Variants in LAMC1 observed in about 807,000 individuals in gnomAD.
LAMC1 encodes laminin subunit gamma-1.
A neutral mutation model predicts 173.6 loss-of-function variants in LAMC1; 38 were observed. That is an observed-to-expected ratio of 0.22 (90% CI 0.17 to 0.29). The LOEUF (loss-of-function observed/expected upper bound fraction) is 0.29, where lower values mean the gene tolerates loss of function less well. LAMC1 is among the 10% of genes least tolerant of loss of function. The pLI, the probability that LAMC1 is intolerant of heterozygous loss-of-function variation, is 1.00. For synonymous variants in LAMC1, 746 were observed against 749.1 expected, an observed-to-expected ratio of 1.00 and a Z score of 0.07; for missense variants, 1,824 against 2,051.8, an observed-to-expected ratio of 0.89 and a Z score of 2.14.
intron 11 of LAMC1, among the ~76,000 whole-genome samples, chr1:183,118,620 G>A (rs971357295): frequency 2.4e-4 from 37 of 152,064 alleles, no homozygotes; most frequent in Non-Finnish European, 1.0e-4. Context: ...CTACTTGGGT[G>A]GCTGAGGGAT....
At chr1:183,125,176 G>GT in intron 14 of LAMC1, 1 of 599,400 alleles carries the variant, frequency 1.7e-6, no homozygotes, top group South Asian at 2.1e-5. Context: ...TGAAATATAT[G>GT]TTTTTTCTCA....
rs1656787194 is a variant in LAMC1, at chr1:183,131,440, T to TGTGTGA, written c.3566+67_3566+68insAGTGTG. On this transcript the variant is annotated intron_variant, in intron 20 of 27. Transcript: ENST00000258341. ...GCTTCTGTTATGGGGTGTGTGTGTGTGTGTGTGTGTGTGTGTGTGTATTGT... is the reference window on the plus strand; with the variant it reads ...GCTTCTGTTATGGGGTGTGTGTGTGTGTGTGAGTGTGTGTGTGTGTGTGTGTATTGT... The TGTGTGA allele has an allele frequency of 1.2e-5, 12 of 1,006,152 alleles. No homozygotes were observed. In the East Asian group the frequency reaches 2.9e-4, roughly 24 times the overall value. 62.3% of individuals were successfully genotyped at this position (1,006,152 alleles called of 1,614,324 possible). A position where few individuals can be genotyped will look rare whatever the true frequency, so the allele number is the denominator to read the frequency against.
chr1:183,040,097 T>C (rs1358920046), intron 1 of LAMC1, among the ~76,000 whole-genome samples: 1 of 152,222 alleles, frequency 6.6e-6, no homozygotes, highest in Non-Finnish European at 1.5e-5. Flanking sequence ...TTTTCAATTA[T>C]GAAATGGGCA....
At chr1:183,042,764 G>A (rs1654170590) in intron 1 of LAMC1, among the ~76,000 whole-genome samples, 1 of 152,180 alleles carries the variant, frequency 6.6e-6, no homozygotes. Context: ...TGACTTTACA[G>A]AATTGGTTTA....
intron 1 of LAMC1, among the ~76,000 whole-genome samples, chr1:183,061,667 A>G (rs1654748740): frequency 6.6e-6 from 1 of 152,222 alleles, no homozygotes; most frequent in Non-Finnish European, 1.5e-5. Flanking sequence ...TTCTAATCAG[A>G]AATCAGTTTT....
At chr1:183,046,922 G>C (rs894699351) in intron 1 of LAMC1, among the ~76,000 whole-genome samples, 9 of 152,000 alleles carry the variant, frequency 5.9e-5, no homozygotes, top group Non-Finnish European at 1.3e-4. Context: ...TAATTATGAA[G>C]GCCATTCTTA....
chr1:183,078,309 G>A (rs112629485), intron 1 of LAMC1, among the ~76,000 whole-genome samples: 6,811 of 152,232 alleles, frequency 0.045, 336 homozygotes, highest in African/African-American at 0.12. Context: ...CTGGTCAGGC[G>A]CGGTGGCTCA....
chr1:183,124,533 A>T (rs1656568216), intron 13 of LAMC1, 98 bp from the exon 14 acceptor site: 2 of 1,427,382 alleles, frequency 1.4e-6, no homozygotes, highest in African/African-American at 1.4e-5. Flanking sequence ...GTCTTCTCTC[A>T]TGTGATGATT....
intron 1 of LAMC1, among the ~76,000 whole-genome samples, chr1:183,078,026 G>A (rs1194582812): frequency 3.9e-5 from 6 of 151,904 alleles, no homozygotes. Context: ...GTGTGTGTTT[G>A]TGTGTTTGCA....
rs1656353369 is a variant in LAMC1, at chr1:183,117,430, T to C, written c.1675T>C (p.Phe559Leu). The change falls in exon 9 of 28, where the codon TTC becomes CTC. Residue 559 changes from phenylalanine to leucine, a missense_variant. By Grantham distance (22) the Phe-to-Leu change is conservative (BLOSUM62 0). Coordinates refer to ENST00000258341, the MANE Select transcript of LAMC1 (RefSeq NM_002293.4). ...CTCAGACAGCTACTTTCCTCGGTACTTCATTGCTCCTGGTAAGTAAGGCTA... is the reference window on the plus strand; with the variant it reads ...CTCAGACAGCTACTTTCCTCGGTACCTCATTGCTCCTGGTAAGTAAGGCTA... The part of the protein sequence containing the change: ...VISDSYFPRY[F>L]IAPAKFLGKQ... 6.2e-7 allele frequency: 1 copy of C among 1,613,324 alleles called. No individual in the cohort carries two copies. Among genetic ancestry groups the C allele is most frequent in the Non-Finnish European group, 8.5e-7 (1 of 1,179,402 alleles).
chr1:183,133,831 A>G (rs559473022), intron 22 of LAMC1, among the ~76,000 whole-genome samples: 2 of 152,346 alleles, frequency 1.3e-5, no homozygotes, highest in African/African-American at 4.8e-5. Context: ...AAACAAAAAC[A>G]AAAACTTACC....
chr1:183,116,343 G>A (rs1370418636), intron 6 of LAMC1, among the ~76,000 whole-genome samples: 8 of 151,982 alleles, frequency 5.3e-5, no homozygotes, highest in African/African-American at 1.7e-4. Flanking sequence ...TGGGTGTGGT[G>A]GCGTGCGCCT....
Position 183,140,456 on chromosome 1 carries a change from C to T in LAMC1, c.4526C>T (p.Ser1509Phe), listed in dbSNP as rs762757397. Residue 1509 changes from serine to phenylalanine, a missense_variant, in exon 27 of 28, where the codon TCT (serine) becomes TTT (phenylalanine). Transcript: ENST00000258341. ...AEINARKAKNSVTSLLSIIND... is the reference protein window; with the variant it reads ...AEINARKAKNFVTSLLSIIND... ...ATCAATGCCAGAAAAGCCAAAAACT[C>T]TGTTACTAGCCTCCTCAGCATTATT... The T allele has an allele frequency of 1.2e-6, 2 of 1,613,724 alleles. No homozygotes were observed. Among genetic ancestry groups the T allele is most frequent in the South Asian group, 2.2e-5 (2 of 91,050 alleles).
In LAMC1 at chr1:183,080,350, T is replaced by C. The variant is rs1655238698; in HGVS notation, c.419-22978T>C. ...GCTGTGTCCTTCATCATTGATTATC[T>C]ACATCCAGATAGCTGATCACTGATG... On this transcript the variant is annotated intron_variant, in intron 1 of 27. Coordinates refer to ENST00000258341, the MANE Select transcript of LAMC1 (RefSeq NM_002293.4). 2.6e-5 allele frequency among the ~76,000 whole-genome samples: 4 copies of C among 152,260 alleles called. No individual in the cohort carries two copies. In the South Asian group the frequency reaches 8.3e-4, roughly 31 times the overall value.
chr1:183,059,005 T>C lies in LAMC1; in HGVS notation c.418+34871T>C, dbSNP rs930205906. 1.1e-4 allele frequency among the ~76,000 whole-genome samples: 16 copies of C among 152,358 alleles called. No homozygotes were observed. The South Asian group carries it at 3.3e-3, about 32-fold the overall frequency. On this transcript the variant is annotated intron_variant, in intron 1 of 27. Coordinates refer to ENST00000258341, the MANE Select transcript of LAMC1 (RefSeq NM_002293.4). ...GGGAAAAAACGTCTCACAGAAGATTTTCTTGCAAGATGACTATGATATGAC... is the reference window on the plus strand; with the variant it reads ...GGGAAAAAACGTCTCACAGAAGATTCTCTTGCAAGATGACTATGATATGAC...
At chr1:183,124,539 TGATTACACTA>T (rs1656568456) in intron 13 of LAMC1, 82 bp from the exon 14 acceptor site, 1 of 1,459,140 alleles carries the variant, frequency 6.9e-7, no homozygotes, top group African/African-American at 1.4e-5. Flanking sequence ...TCTCATGTGA[TGATTACACTA>T]GATTACCTGT....
At chr1:183,031,928 G>A (rs1653859525) in intron 1 of LAMC1, among the ~76,000 whole-genome samples, 1 of 149,456 alleles carries the variant, frequency 6.7e-6, no homozygotes, top group Non-Finnish European at 1.5e-5. Context: ...GAAAAAAAAA[G>A]ATTAAAGAAA....
chr1:183,029,680 T>A (rs1322817622), intron 1 of LAMC1, among the ~76,000 whole-genome samples: 1 of 152,148 alleles, frequency 6.6e-6, no homozygotes, highest in East Asian at 1.9e-4. Flanking sequence ...AGTCTCCCAC[T>A]GACGCCACCC....
In LAMC1 at chr1:183,023,636, C is replaced by T. The variant is rs1168001252; in HGVS notation, c.-81C>T. ...GGGCCCCCAGGCTCAAGCAGCGAAG[C>T]GGCCTCCGGGGGACGCCGCTAGGCG... On this transcript the variant is annotated 5_prime_UTR_variant, in exon 1 of 28. Coordinates refer to ENST00000258341, the MANE Select transcript of LAMC1 (RefSeq NM_002293.4). 8 of 1,059,796 alleles carry T rather than the reference C, an allele frequency of 7.5e-6. 1 individual carries two copies. The highest frequency in any genetic ancestry group is 1.7e-5 in the African/African-American group (1 of 59,374). The allele number at this position is 1,059,796 out of a possible 1,614,324, so 65.6% of individuals were successfully genotyped here. A position where few individuals can be genotyped will look rare whatever the true frequency, so the allele number is the denominator to read the frequency against.
Sources: gnomAD v4.1 joint callset for allele counts (sites outside exome capture counted in the v4.1 genomes callset) on GRCh38, gnomAD v4.1.1 for gene constraint, MANE v1.5 for transcripts, NCBI Gene and HGNC (gene_info 2026-07-23, HGNC 2026-07-21) for gene names.